The following NKPD1 variants were observed in gnomAD, a reference collection of about 807,000 sequenced individuals.
NKPD1 encodes NTPase KAP family P-loop domain containing 1, also known as NTPase KAP family P-loop domain-containing protein 1.
A neutral mutation model predicts 42.2 loss-of-function variants in NKPD1; 37 were observed. The ratio of observed to expected loss-of-function variants is 0.88; its 90% CI spans 0.67 to 1.15. The LOEUF (loss-of-function observed/expected upper bound fraction) is 1.15, where lower values mean the gene tolerates loss of function less well. NKPD1 is among the 50% of genes most tolerant of loss of function. The probability of loss-of-function intolerance (pLI) is 0.00; values close to 1 mark genes in which losing one functional copy is unlikely to be tolerated. For missense variants in NKPD1, 1,113 were observed against 1,174.6 expected, an observed-to-expected ratio of 0.95 and a Z score of 0.77; for synonymous variants, 552 against 536.5, an observed-to-expected ratio of 1.03 and a Z score of -0.40.
Position 45,152,837 on chromosome 19 carries a change from G to A in NKPD1, c.1600C>T (p.Arg534Cys), listed in dbSNP as rs931261091. Residue 534 changes from arginine to cysteine, a missense_variant, in exon 5 of 5, where the codon CGC becomes TGC. Physicochemically the swap from Arg to Cys is radical, Grantham distance 180. Coordinates refer to ENST00000686631, the MANE Select transcript of NKPD1 (RefSeq NM_198478.4). ...TGCAGGAACTGCAGCTTGGTGCGGC[G>A]GCCCATAATGGGCACAGAGAAGGGC... ...TLPFSVPIMG[R>C]RTKLQFLHDA... 1.3e-6 allele frequency: 2 copies of A among 1,593,958 alleles called. No homozygotes were observed. The highest frequency in any genetic ancestry group is 2.2e-5 in the South Asian group (2 of 89,300).
rs1968757362 is a variant in NKPD1, at chr19:45,150,472, T to C, written c.*1466A>G. The C allele has an allele frequency of 6.6e-6, 1 of 152,070 alleles. No homozygotes were observed. The highest frequency in any genetic ancestry group is 2.4e-5 in the African/African-American group (1 of 41,376). The allele number at this position is 152,070 out of a possible 1,614,324, so 9.4% of individuals were successfully genotyped here. On this transcript the variant is annotated 3_prime_UTR_variant, in exon 5 of 5. Coordinates refer to ENST00000686631, the MANE Select transcript of NKPD1 (RefSeq NM_198478.4). ...GAAACAAACCCAACTGAAACTGGCT[T>C]AAGGGAGGCTACAGGGATATATTGA...
chr19:45,160,214 C>A lies in NKPD1; in HGVS notation c.-64G>T. On this transcript the variant is annotated 5_prime_UTR_variant, in exon 2 of 5. Transcript: ENST00000686631. ...GGCAGGAGGGAGCACACAGGCTTGG[C>A]GTAGCCTCTGGGGCACGAACAGCAG... The A allele has an allele frequency of 9.5e-7, 1 of 1,050,352 alleles. No individual in the cohort carries two copies. The highest frequency in any genetic ancestry group is 1.4e-5 in the South Asian group (1 of 73,654). The allele number at this position is 1,050,352 out of a possible 1,614,324, so 65.1% of individuals were successfully genotyped here. A position where few individuals can be genotyped will look rare whatever the true frequency, so the allele number is the denominator to read the frequency against.
In NKPD1 at chr19:45,156,012, C is replaced by T. The variant is rs996357737; in HGVS notation, c.530-96G>A. The T allele has an allele frequency of 5.1e-6, 6 of 1,168,590 alleles. No individual in the cohort carries two copies. In the African/African-American group the frequency reaches 9.5e-5, roughly 19 times the overall value. 72.4% of individuals were successfully genotyped at this position (1,168,590 alleles called of 1,614,324 possible). The stretch of plus-strand genomic sequence containing the variant: ...CATGGCCCCCACTATCAGCCCCTTC[C>T]TGGCACCCTGTGCAAAGGGGACTCA... On this transcript the variant is annotated intron_variant, in intron 3 of 4. Coordinates refer to ENST00000686631, the MANE Select transcript of NKPD1 (RefSeq NM_198478.4).
At chr19:45,155,198 A>G (rs1241443259) in intron 4 of NKPD1, among the ~76,000 whole-genome samples, 3 of 146,452 alleles carry the variant, frequency 2.0e-5, no homozygotes, top group South Asian at 2.2e-4. Context: ...AGCGCCTGTA[A>G]TCCCAGCTAC....
In NKPD1 at chr19:45,152,247, G is replaced by A. The variant is rs761352548; in HGVS notation, c.2190C>T (p.Pro730=). 1.2e-6 allele frequency: 2 copies of A among 1,608,140 alleles called. No individual in the cohort carries two copies. Among genetic ancestry groups the A allele is most frequent in the Non-Finnish European group, 1.7e-6 (2 of 1,178,014 alleles). The change falls in exon 5 of 5, where the codon CCC becomes CCT. Residue 730 remains proline, a synonymous_variant. Coordinates refer to ENST00000686631, the MANE Select transcript of NKPD1 (RefSeq NM_198478.4). ...GGCTCTGCGCCTCGGCCACGGTGAAGGGGAAGTCGGCGCCCAGGAAGCGCT... is the reference window on the plus strand; with the variant it reads ...GGCTCTGCGCCTCGGCCACGGTGAAAGGGAAGTCGGCGCCCAGGAAGCGCT... ...LFERFLGADF[P]FTVAEAQSLL... is the part of the protein sequence containing the mutation.
rs771409277 is a variant in NKPD1, at chr19:45,153,378, C to T, written c.1059G>A (p.Leu353=). The T allele has an allele frequency of 1.3e-6, 2 of 1,563,872 alleles. No homozygotes were observed. The highest frequency in any genetic ancestry group is 1.4e-5 in the African/African-American group (1 of 73,998). The stretch of plus-strand genomic sequence containing the variant: ...GTGACAAGTAGAGCAGCCCCACACC[C>T]AGGCCCAGCGCCGCCAGCAGCGCCA... ...GLLALLAALG[L]GVGLLYLSLG... Residue 353 remains leucine, a synonymous_variant, in exon 5 of 5, where the codon CTG becomes CTA. Coordinates refer to ENST00000686631, the MANE Select transcript of NKPD1 (RefSeq NM_198478.4).
Position 45,152,586 on chromosome 19 carries a change from G to T in NKPD1, c.1851C>A (p.Asp617Glu). The T allele has an allele frequency of 6.3e-7, 1 of 1,586,000 alleles. No individual in the cohort carries two copies. Among genetic ancestry groups the T allele is most frequent in the Non-Finnish European group, 8.5e-7 (1 of 1,175,358 alleles). ...ERDCLYEYVP[D>E]NVVSMRRIVN... ...CGATGCGCCGCATGGACACCACGTT[G>T]TCGGGCACGTACTCGTAGAGGCAGT... The change falls in exon 5 of 5, where the codon GAC becomes GAA. Residue 617 changes from aspartate to glutamate, a missense_variant. Transcript: ENST00000686631.
chr19:45,156,734 CAA>C (rs1309462496), intron 3 of NKPD1, among the ~76,000 whole-genome samples: 2 of 152,144 alleles, frequency 1.3e-5, no homozygotes, highest in Non-Finnish European at 2.9e-5. Flanking sequence ...AATGGGGTAT[CAA>C]AAAGGTAGGG....
At position 45,150,128 on chromosome 19, in the gene NKPD1, C is replaced by T. The variant is rs1040988284; in HGVS notation, c.*1810G>A. ...TTTTTTAATCAGTCGGAGTCTTGCT[C>T]TGTCGCCCAGGCTGGAGTGCAGTGG... On this transcript the variant is annotated 3_prime_UTR_variant, in exon 5 of 5. Coordinates refer to ENST00000686631, the MANE Select transcript of NKPD1 (RefSeq NM_198478.4). 60 of 152,196 alleles carry T rather than the reference C, an allele frequency of 3.9e-4. No individual in the cohort carries two copies. Among genetic ancestry groups the T allele is most frequent in the African/African-American group, 1.4e-3 (58 of 41,496 alleles). 9.4% of individuals were successfully genotyped at this position (152,196 alleles called of 1,614,324 possible). A position where few individuals can be genotyped will look rare whatever the true frequency, so the allele number is the denominator to read the frequency against.
At position 45,152,552 on chromosome 19, in the gene NKPD1, C is replaced by T. The variant is rs1442923016; in HGVS notation, c.1885G>A (p.Val629Met). ...VVSMRRIVNT[V>M]PITVRLLQQQ... ...TGCAGCAGGCGCACGGTGATGGGCA[C>T]GGTGTTGACGATGCGCCGCATGGAC... Residue 629 changes from valine to methionine, a missense_variant, in exon 5 of 5, where the codon GTG becomes ATG. Physicochemically the swap from Val to Met is conservative, Grantham distance 21 (BLOSUM62 1). Transcript: ENST00000686631. 3 of 1,584,650 alleles carry T rather than the reference C, an allele frequency of 1.9e-6. No homozygotes were observed. Among genetic ancestry groups the T allele is most frequent in the African/African-American group, 1.4e-5 (1 of 72,614 alleles).
chr19:45,149,880 TC>T lies in NKPD1; in HGVS notation c.*2057del, dbSNP rs1261281823. 6.6e-6 allele frequency: 1 copy of T among 152,128 alleles called. No homozygotes were observed. The highest frequency in any genetic ancestry group is 6.6e-5 in the Admixed American group (1 of 15,266). The allele number at this position is 152,128 out of a possible 1,614,324, so 9.4% of individuals were successfully genotyped here. ...CTGTTGCTCCCCAGGGCCTCAAGGA[TC>T]CCGGATCAAGTGGGCAGATGGGGGA... On this transcript the variant is annotated 3_prime_UTR_variant, in exon 5 of 5. Transcript: ENST00000686631.
chr19:45,158,063 C>T lies in NKPD1; in HGVS notation c.529+600G>A, dbSNP rs1339870431. On this transcript the variant is annotated intron_variant, in intron 3 of 4. Coordinates refer to ENST00000686631, the MANE Select transcript of NKPD1 (RefSeq NM_198478.4). This position sits in a 1 kb window ranked among gnomAD's most constrained non-coding sequence, Gnocchi z 4.6. ...TAAATTTCCATGTTTCCTGTACCTG[C>T]CCCCGGCTGCAATGCAATGTGAGCC... Among the ~76,000 whole-genome samples, 2 of 152,128 alleles carry T rather than the reference C, an allele frequency of 1.3e-5. No individual in the cohort carries two copies. The highest frequency in any genetic ancestry group is 2.9e-5 in the Non-Finnish European group (2 of 68,020).
At position 45,150,554 on chromosome 19, in the gene NKPD1, T is replaced by TC. The variant is rs1349116790; in HGVS notation, c.*1383dup. ...ACGGTGTCACGAGGCCCCATCCTTC[T>TC]CCCTCTGAGGCCAGCTCTCCCTGAC... On this transcript the variant is annotated 3_prime_UTR_variant, in exon 5 of 5. Coordinates refer to ENST00000686631, the MANE Select transcript of NKPD1 (RefSeq NM_198478.4). The TC allele has an allele frequency of 7.9e-5, 12 of 152,294 alleles. No homozygotes were observed. Among genetic ancestry groups the TC allele is most frequent in the Non-Finnish European group, 1.3e-4 (9 of 68,128 alleles). The allele number at this position is 152,294 out of a possible 1,614,324, so 9.4% of individuals were successfully genotyped here.
In NKPD1 at chr19:45,155,190, C is replaced by T. The variant is rs144584095; in HGVS notation, c.661+595G>A. On this transcript the variant is annotated intron_variant, in intron 4 of 4. Coordinates refer to ENST00000686631, the MANE Select transcript of NKPD1 (RefSeq NM_198478.4). ...AAAATTAGCTGGGCGTGGTGGTGAG[C>T]GCCTGTAATCCCAGCTACTTGGGAG... is the stretch of plus-strand genomic sequence containing the variant. Among the ~76,000 whole-genome samples the T allele has an allele frequency of 7.1e-3, 1,080 of 151,944 alleles. 11 individuals are homozygous for T. Among genetic ancestry groups the T allele is most frequent in the African/African-American group, 0.024 (991 of 41,426 alleles).
chr19:45,160,792 C>A (rs1024097056), intron 1 of NKPD1, among the ~76,000 whole-genome samples, 133 bp downstream of exon 1: 2 of 151,832 alleles, frequency 1.3e-5, no homozygotes, highest in African/African-American at 4.8e-5. Flanking sequence ...TGTGAAGAGC[C>A]GAAAGCAGGA....
At position 45,153,741 on chromosome 19, in the gene NKPD1, GCT is replaced by G. The variant is rs762514614; in HGVS notation, c.694_695del (p.Ser232ArgfsTer50). ...GCCACTGCACGTGCTGCAGCTCCTC[GCT>G]CTCGCGCTGCGCGGCCTCCTGCTGC... ...LMQQEAAQRE[S>X]EELQHVQWRP... On this transcript the variant is annotated frameshift_variant, in exon 5 of 5. Coordinates refer to ENST00000686631, the MANE Select transcript of NKPD1 (RefSeq NM_198478.4). LOFTEE classifies it high-confidence loss of function. 6.6e-7 allele frequency: 1 copy of G among 1,508,072 alleles called. No individual in the cohort carries two copies. The highest frequency in any genetic ancestry group is 1.4e-5 in the African/African-American group (1 of 71,716). 93.4% of individuals were successfully genotyped at this position (1,508,072 alleles called of 1,614,324 possible). A position where few individuals can be genotyped will look rare whatever the true frequency, so the allele number is the denominator to read the frequency against.
Position 45,152,817 on chromosome 19 carries a change from G to A in NKPD1, c.1620C>T (p.Phe540=), listed in dbSNP as rs536523985. The A allele has an allele frequency of 7.0e-5, 112 of 1,598,876 alleles. 1 individual carries two copies. In the Middle Eastern group the frequency reaches 1.7e-3, roughly 24 times the overall value. The part of the protein sequence containing the change: ...PIMGRRTKLQ[F]LHDAVQSRDD... ...CGCGGCTCTGCACCGCATCGTGCAG[G>A]AACTGCAGCTTGGTGCGGCGGCCCA... is the stretch of plus-strand genomic sequence containing the variant. The change falls in exon 5 of 5, where the codon TTC becomes TTT. Residue 540 remains phenylalanine, a synonymous_variant. Coordinates refer to ENST00000686631, the MANE Select transcript of NKPD1 (RefSeq NM_198478.4).
At chr19:45,155,097 A>C (rs1379028588) in intron 4 of NKPD1, among the ~76,000 whole-genome samples, 1 of 150,688 alleles carries the variant, frequency 6.6e-6, no homozygotes, top group Non-Finnish European at 1.5e-5. Flanking sequence ...GCTGAGGCGG[A>C]TCACATGAGG....
Position 45,153,741 on chromosome 19 carries a change from G to A in NKPD1, c.696C>T (p.Ser232=), listed in dbSNP as rs1207699794. The A allele has an allele frequency of 1.3e-6, 2 of 1,508,072 alleles. No individual in the cohort carries two copies. Among genetic ancestry groups the A allele is most frequent in the Non-Finnish European group, 1.8e-6 (2 of 1,120,768 alleles). The allele number at this position is 1,508,072 out of a possible 1,614,324, so 93.4% of individuals were successfully genotyped here. The change falls in exon 5 of 5, where the codon AGC becomes AGT. Residue 232 remains serine (S), a synonymous_variant. Coordinates refer to ENST00000686631, the MANE Select transcript of NKPD1 (RefSeq NM_198478.4). ...LMQQEAAQRE[S]EELQHVQWRP... ...GCCACTGCACGTGCTGCAGCTCCTCGCTCTCGCGCTGCGCGGCCTCCTGCT... is the reference window on the plus strand; with the variant it reads ...GCCACTGCACGTGCTGCAGCTCCTCACTCTCGCGCTGCGCGGCCTCCTGCT...
Sources: gnomAD v4.1 joint callset for allele counts (sites outside exome capture counted in the v4.1 genomes callset) on GRCh38, gnomAD v4.1.1 for gene constraint, Gnocchi (gnomAD v3.1) non-coding constraint, MANE v1.5 for transcripts, NCBI Gene and HGNC (gene_info 2026-07-23, HGNC 2026-07-21) for gene names.